The following FOXJ3 variants were observed in gnomAD, a reference collection of about 807,000 sequenced individuals.
The protein encoded by FOXJ3 is forkhead box J3, also known as forkhead box protein J3.
Under a neutral mutation model 76.1 loss-of-function variants are expected in FOXJ3, and 22 were observed. That is an observed-to-expected ratio of 0.29 (90% CI 0.21 to 0.41). The LOEUF is 0.41. Among genes scored for constraint, FOXJ3 ranks in the 10% least tolerant of loss-of-function variants. FOXJ3 has a pLI of 1.00. For synonymous variants in FOXJ3, 269 were observed against 261.2 expected, an observed-to-expected ratio of 1.03 and a Z score of -0.29; for missense variants, 613 against 762.1, an observed-to-expected ratio of 0.80 and a Z score of 2.30.
intron 11 of FOXJ3, 96 bp downstream of exon 11, chr1:42,188,641 G>T: frequency 1.5e-6 from 1 of 686,650 alleles, no homozygotes; most frequent in East Asian, 2.9e-5. Context: ...ACAGATCACT[G>T]TCACCATTAG....
intron 6 of FOXJ3, among the ~76,000 whole-genome samples, chr1:42,203,771 A>G (rs1646807346): frequency 6.6e-6 from 1 of 151,990 alleles, no homozygotes; most frequent in Admixed American, 6.6e-5. Context: ...CAAGGCGGAC[A>G]GATCACCTGA....
At chr1:42,192,495 T>C (rs1425045849) in intron 8 of FOXJ3, among the ~76,000 whole-genome samples, 2 of 152,232 alleles carry the variant, frequency 1.3e-5, no homozygotes, top group Non-Finnish European at 1.5e-5. Flanking sequence ...GATTTACTCT[T>C]TAACAAGAAG....
At chr1:42,333,651 T>C (rs180810448) in intron 1 of FOXJ3, among the ~76,000 whole-genome samples, 24 of 152,202 alleles carry the variant, frequency 1.6e-4, no homozygotes, top group Non-Finnish European at 2.2e-4. Context: ...CTCACTGTTA[T>C]TGCGGGAACA....
chr1:42,277,992 A>G (rs1350475676), intron 3 of FOXJ3, among the ~76,000 whole-genome samples: 1 of 151,606 alleles, frequency 6.6e-6, no homozygotes, highest in Non-Finnish European at 1.5e-5. Flanking sequence ...AAAAAAAAAA[A>G]AAAAAAATCT....
At chr1:42,317,514 T>TAAAAAAAAAAAAAA (rs11365048) in intron 1 of FOXJ3, among the ~76,000 whole-genome samples, 1 of 106,398 alleles carries the variant, frequency 9.4e-6, no homozygotes, top group Non-Finnish European at 1.9e-5. Flanking sequence ...AGAGAAACCA[T>TAAAAAAAAAAAAAA]AAAAAAAAAA....
In FOXJ3 at chr1:42,248,387, A is replaced by G. The variant is rs1033453417; in HGVS notation, c.444+16728T>C. ...ATCTCTACTAAAAACACAAAAAATT[A>G]GCCGGGCGTGGTGGCGGGCACCTGT... On this transcript the variant is annotated intron_variant, in intron 4 of 12. Coordinates refer to ENST00000361346, the MANE Select transcript of FOXJ3 (RefSeq NM_014947.5). Among the ~76,000 whole-genome samples, 13 of 151,512 alleles carry G rather than the reference A, an allele frequency of 8.6e-5. No individual in the cohort carries two copies. The East Asian group carries it at 2.5e-3, about 30-fold the overall frequency.
intron 2 of FOXJ3, among the ~76,000 whole-genome samples, chr1:42,289,024 A>T (rs1286732406): frequency 6.6e-6 from 1 of 152,046 alleles, no homozygotes; most frequent in Non-Finnish European, 1.5e-5. Context: ...TGAATATTTT[A>T]AATTTTTCTT....
At chr1:42,240,135 T>C (rs1443136198) in intron 4 of FOXJ3, among the ~76,000 whole-genome samples, 1 of 152,222 alleles carries the variant, frequency 6.6e-6, no homozygotes, top group Non-Finnish European at 1.5e-5. Flanking sequence ...CTTTGATATA[T>C]ATTTTGCTTA....
At chr1:42,258,240 T>C (rs1224442157) in intron 4 of FOXJ3, among the ~76,000 whole-genome samples, 2 of 152,236 alleles carry the variant, frequency 1.3e-5, no homozygotes, top group Non-Finnish European at 2.9e-5. Context: ...TCCCAGTTTA[T>C]TTTGGCAATC....
At chr1:42,221,574 G>A (rs564343640) in intron 5 of FOXJ3, among the ~76,000 whole-genome samples, 4 of 152,050 alleles carry the variant, frequency 2.6e-5, no homozygotes, top group African/African-American at 9.6e-5. Context: ...TCTGGCCTCA[G>A]CCTCCCCAGT....
chr1:42,293,128 G>A (rs764470388), intron 2 of FOXJ3, among the ~76,000 whole-genome samples: 2 of 152,082 alleles, frequency 1.3e-5, no homozygotes, highest in African/African-American at 2.4e-5. Context: ...ACAAGTATTT[G>A]TGATTTGGAA....
intron 2 of FOXJ3, among the ~76,000 whole-genome samples, chr1:42,283,647 A>C (rs1303055237): frequency 6.6e-6 from 1 of 152,140 alleles, no homozygotes; most frequent in South Asian, 2.1e-4. Context: ...TCATCTTAAG[A>C]CCTGCGGCAC....
intron 3 of FOXJ3, among the ~76,000 whole-genome samples, chr1:42,276,342 C>G (rs532329733): frequency 5.2e-4 from 78 of 151,188 alleles, no homozygotes; most frequent in African/African-American, 1.8e-3. Flanking sequence ...GACAACAAAG[C>G]AAGACTCTGT....
At chr1:42,279,108 A>G (rs1652508549) in intron 2 of FOXJ3, among the ~76,000 whole-genome samples, 1 of 152,222 alleles carries the variant, frequency 6.6e-6, no homozygotes, top group East Asian at 1.9e-4. Flanking sequence ...GAGAGTCATA[A>G]AAACAAATTA....
intron 5 of FOXJ3, among the ~76,000 whole-genome samples, chr1:42,215,844 C>G (rs1647053273): frequency 6.6e-6 from 1 of 152,016 alleles, no homozygotes; most frequent in Non-Finnish European, 1.5e-5. Flanking sequence ...GACTGTATAT[C>G]TAATAAAAAA....
intron 8 of FOXJ3, among the ~76,000 whole-genome samples, chr1:42,192,278 G>C (rs1646563580): frequency 6.6e-6 from 1 of 152,182 alleles, no homozygotes; most frequent in Non-Finnish European, 1.5e-5. Context: ...AAATAGGGAA[G>C]GGGCATAGGC....
chr1:42,312,250 G>T (rs1370868805), intron 1 of FOXJ3, among the ~76,000 whole-genome samples: 2 of 152,040 alleles, frequency 1.3e-5, no homozygotes, highest in African/African-American at 2.4e-5. Context: ...TACAGATGGG[G>T]TTTTGCTATG....
At chr1:42,183,640 C>T (rs1217271709) in intron 11 of FOXJ3, among the ~76,000 whole-genome samples, 1 of 151,980 alleles carries the variant, frequency 6.6e-6, no homozygotes, top group African/African-American at 2.4e-5. Flanking sequence ...GTAAATTACA[C>T]TTGAATTCTA....
chr1:42,252,206 T>C (rs12084409), intron 4 of FOXJ3, among the ~76,000 whole-genome samples: 3,570 of 152,260 alleles, frequency 0.023, 143 homozygotes, highest in African/African-American at 0.082. Context: ...TGGTACCAGT[T>C]CCTCCTTGTA....
Sources: allele counts gnomAD v4.1 joint callset (sites outside exome capture counted in the v4.1 genomes callset), GRCh38; gene constraint gnomAD v4.1.1; transcripts MANE v1.5; gene names NCBI Gene and HGNC (gene_info 2026-07-23, HGNC 2026-07-21).